The following OPHN1 variants were observed in gnomAD, a reference collection of about 807,000 sequenced individuals.
OPHN1 encodes oligophrenin-1.
Under a neutral mutation model 60.7 loss-of-function variants are expected in OPHN1, and 11 were observed. That is an observed-to-expected ratio of 0.18 (90% CI 0.11 to 0.30). The LOEUF (loss-of-function observed/expected upper bound fraction) is 0.30, where lower values mean the gene tolerates loss of function less well. Ranked by LOEUF, OPHN1 falls within the 10% of genes least tolerant of loss-of-function variation. OPHN1 has a pLI of 1.00. For synonymous variants in OPHN1, 226 were observed against 222.6 expected (o/e 1.02, Z -0.14); for missense variants, 449 against 611.0 (o/e 0.73, Z 2.80).
At chrX:68,220,995 C>T (rs1345259405) in intron 6 of OPHN1, among the ~76,000 whole-genome samples, 1 of 102,318 alleles carries the variant, frequency 9.8e-6, no homozygotes, top group African/African-American at 3.4e-5. Flanking sequence ...TTAAATTGTC[C>T]CTGTTTGCAG....
intron 2 of OPHN1, among the ~76,000 whole-genome samples, chrX:68,306,910 G>C (rs1210691960): frequency 9.1e-6 from 1 of 110,442 alleles, no homozygotes; most frequent in Non-Finnish European, 1.9e-5. Context: ...TTTTTGTAGA[G>C]ACAGACCCTT....
intron 7 of OPHN1, among the ~76,000 whole-genome samples, chrX:68,212,458 G>A (rs756014779): frequency 2.9e-4 from 32 of 111,486 alleles, no homozygotes; most frequent in African/African-American, 9.4e-4. Context: ...GGTGGCGCAC[G>A]CCTGTAATCC....
chrX:68,415,209 T>C (rs1217252613), intron 2 of OPHN1, among the ~76,000 whole-genome samples: 1 of 111,949 alleles, frequency 8.9e-6, no homozygotes, highest in African/African-American at 3.2e-5. Flanking sequence ...TTATTCTCTA[T>C]AGCTAGATTT....
At chrX:68,273,749 C>T (rs1569265959) in intron 5 of OPHN1, among the ~76,000 whole-genome samples, 1 of 111,864 alleles carries the variant, frequency 8.9e-6, no homozygotes. Flanking sequence ...CTAAAAAGAC[C>T]TTTAGGTCTA....
At chrX:68,136,693 A>G (rs1390476863) in intron 15 of OPHN1, among the ~76,000 whole-genome samples, 1 of 111,914 alleles carries the variant, frequency 8.9e-6, no homozygotes, top group Non-Finnish European at 1.9e-5. Flanking sequence ...GTAAAATGGA[A>G]TAATAATAAC....
chrX:68,355,919 A>G (rs961659408), intron 2 of OPHN1, among the ~76,000 whole-genome samples: 7 of 110,973 alleles, frequency 6.3e-5, no homozygotes, highest in Admixed American at 1.9e-4. Context: ...GGGTGGTGGC[A>G]CATGCCTATA....
chrX:68,077,308 G>A (rs1437524408), intron 19 of OPHN1, among the ~76,000 whole-genome samples: 1 of 110,866 alleles, frequency 9.0e-6, no homozygotes, highest in Non-Finnish European at 1.9e-5. Flanking sequence ...ATTTTAAATA[G>A]GCAAGACCTC....
At chrX:68,384,399 T>C (rs946072201) in intron 2 of OPHN1, among the ~76,000 whole-genome samples, 1 of 112,046 alleles carries the variant, frequency 8.9e-6, no homozygotes, top group Non-Finnish European at 1.9e-5. Context: ...AACCATGGAA[T>C]ACTACTCAGC....
At chrX:68,074,714 T>C (rs2076947377) in intron 19 of OPHN1, among the ~76,000 whole-genome samples, 1 of 111,510 alleles carries the variant, frequency 9.0e-6, no homozygotes, top group African/African-American at 3.3e-5. Context: ...CAGCATTTCC[T>C]ATCACTTTCT....
At chrX:68,234,658 T>G in intron 5 of OPHN1, 70 bp from the exon 6 acceptor site, 2 of 840,032 alleles carry the variant, frequency 2.4e-6, no homozygotes, top group Non-Finnish European at 3.6e-6. Flanking sequence ...GAAAGGAGAA[T>G]GAAGGAGATA....
chrX:68,275,304 CACTAG>C (rs2077987247), intron 4 of OPHN1, among the ~76,000 whole-genome samples: 1 of 111,749 alleles, frequency 8.9e-6, no homozygotes, highest in Non-Finnish European at 1.9e-5. Flanking sequence ...TCGCAGAAAA[CACTAG>C]ACTAGGCTTT....
chrX:68,195,003 A>AAAGGAAGGAAGGAAGGAAGGAAGGAAGG, intron 12 of OPHN1, among the ~76,000 whole-genome samples: 2 of 58,734 alleles, frequency 3.4e-5, no homozygotes, highest in East Asian at 5.3e-4. Flanking sequence ...AGAGAGAAAG[A>AAAGGAAGGAAGGAAGGAAGGAAGGAAGG]AAGGAAGGAA....
rs767719249 is a variant in OPHN1 at position 68,432,923 on chromosome X, T to C, written c.98A>G (p.Asn33Ser). 2 of 1,212,008 alleles carry C rather than the reference T, an allele frequency of 1.7e-6. No homozygotes were observed. The highest frequency in any genetic ancestry group is 2.2e-6 in the Non-Finnish European group (2 of 895,415). ...TTTGATTACGTCTTTGATGAATTTG[T>C]TGGTCCTCTCCAGTTCCTGCTCATA... ...KCYEQELERTNKFIKDVIKDG... is the reference protein window; with the variant it reads ...KCYEQELERTSKFIKDVIKDG... The change falls in exon 2 of 25, where the codon AAC becomes AGC. Residue 33 changes from asparagine (N) to serine (S), a missense_variant. Around this residue, in one of 4 missense-constraint regions of OPHN1, gnomAD observed 99 missense variants for 155.2 expected, o/e 0.64. Coordinates refer to ENST00000355520, the MANE Select transcript of OPHN1 (RefSeq NM_002547.3).
chrX:68,364,568 G>A (rs2078489238), intron 2 of OPHN1, among the ~76,000 whole-genome samples: 1 of 111,745 alleles, frequency 8.9e-6, no homozygotes, highest in Admixed American at 9.6e-5. Flanking sequence ...ATGTAATTCA[G>A]TTTCTTTAAT....
At chrX:68,120,284 G>A (rs947569760) in intron 15 of OPHN1, among the ~76,000 whole-genome samples, 1 of 111,622 alleles carries the variant, frequency 9.0e-6, no homozygotes, top group Non-Finnish European at 1.9e-5. Flanking sequence ...AAAAATAACA[G>A]AGGAGGCAAA....
intron 16 of OPHN1, among the ~76,000 whole-genome samples, chrX:68,113,970 TA>T (rs1383769635): frequency 0.11 from 4,356 of 37,969 alleles, 242 homozygotes; most frequent in African/African-American, 0.32. Context: ...ATAATAATAA[TA>T]AAAAAAAAAA....
chrX:68,092,382 T>C (rs184999630), intron 19 of OPHN1, among the ~76,000 whole-genome samples: 1,146 of 111,959 alleles, frequency 0.01, 13 homozygotes, highest in African/African-American at 0.035. Flanking sequence ...CCATATATCA[T>C]TCTGCTATTT....
intron 2 of OPHN1, among the ~76,000 whole-genome samples, chrX:68,426,575 C>T (rs866718097): frequency 2.9e-4 from 6 of 20,369 alleles, no homozygotes; most frequent in East Asian, 2.5e-3. Flanking sequence ...TATATACATA[C>T]ACAGAGGCTG....
At chrX:68,406,827 T>G (rs1468385589) in intron 2 of OPHN1, among the ~76,000 whole-genome samples, 3 of 112,261 alleles carry the variant, frequency 2.7e-5, no homozygotes, top group African/African-American at 9.7e-5. Context: ...TGAATCTGAC[T>G]GAAGGATAAA....
Sources: gnomAD v4.1 joint callset for allele counts (sites outside exome capture counted in the v4.1 genomes callset) on GRCh38, gnomAD v4.1.1 for gene constraint, gnomAD v4.1.1 regional missense constraint, MANE v1.5 for transcripts, NCBI Gene and HGNC (gene_info 2026-07-23, HGNC 2026-07-21) for gene names.